The following NLGN1 variants were observed in gnomAD, a reference collection of about 807,000 sequenced individuals.
The protein encoded by NLGN1 is neuroligin 1, also known as neuroligin-1.
NLGN1 carries 12 observed loss-of-function variants against 65.5 expected under a neutral mutation model. The ratio of observed to expected loss-of-function variants is 0.18; its 90% confidence interval spans 0.12 to 0.30. NLGN1 has a LOEUF of 0.30. Ranked by LOEUF, NLGN1 falls within the 10% of genes least tolerant of loss-of-function variation. The probability of loss-of-function intolerance (pLI) is 1.00; values close to 1 mark genes in which losing one functional copy is unlikely to be tolerated. For synonymous variants in NLGN1, 350 were observed against 359.5 expected (o/e 0.97, Z 0.30); for missense variants, 750 against 1,007.1 (o/e 0.74, Z 3.46).
intron 4 of NLGN1, among the ~76,000 whole-genome samples, chr3:174,045,581 C>A (rs1298949605): frequency 6.6e-6 from 1 of 152,016 alleles, no homozygotes; most frequent in Admixed American, 6.6e-5. Context: ...AATCAGTGTG[C>A]CAATCATACA....
At chr3:173,977,648 GA>G (rs200182034) in intron 4 of NLGN1, among the ~76,000 whole-genome samples, 2 of 150,458 alleles carry the variant, frequency 1.3e-5, no homozygotes, top group South Asian at 4.2e-4. Flanking sequence ...TATTGACCTA[GA>G]AAAAAAAATG....
At chr3:174,197,219 C>T (rs537043788) in intron 4 of NLGN1, among the ~76,000 whole-genome samples, 102 of 152,076 alleles carry the variant, frequency 6.7e-4, no homozygotes, top group African/African-American at 2.5e-3. Flanking sequence ...TATATGTTGT[C>T]TTCTAAGGAG....
rs1180183105 is a variant in NLGN1, at chr3:173,558,979, T to G, written c.-320-45300T>G. On this transcript the variant is annotated intron_variant, in intron 2 of 6. Transcript: ENST00000457714. ...ATGTAGGAATCCTCGGTCAGAATTT[T>G]TTTGGTTGAATAGATCTGATATGGC... Among the ~76,000 whole-genome samples the G allele has an allele frequency of 2.0e-5, 3 of 152,292 alleles. No individual in the cohort carries two copies. The East Asian group carries it at 5.8e-4, about 29-fold the overall frequency.
intron 4 of NLGN1, among the ~76,000 whole-genome samples, chr3:174,233,577 A>C (rs1046538012): frequency 1.3e-5 from 2 of 152,096 alleles, no homozygotes; most frequent in Non-Finnish European, 2.9e-5. Context: ...TATATGTGTC[A>C]TACAATTTGT....
At chr3:173,914,237 A>G (rs983985697) in intron 4 of NLGN1, among the ~76,000 whole-genome samples, 4 of 152,146 alleles carry the variant, frequency 2.6e-5, no homozygotes, top group African/African-American at 9.7e-5. Context: ...ACATCCTTAA[A>G]GAAATCATTA....
At chr3:174,150,556 C>G (rs1169312549) in intron 4 of NLGN1, among the ~76,000 whole-genome samples, 1 of 152,082 alleles carries the variant, frequency 6.6e-6, no homozygotes, top group East Asian at 1.9e-4. Context: ...CCCTACCTTC[C>G]TAGAATTACA....
intron 3 of NLGN1, among the ~76,000 whole-genome samples, chr3:173,621,495 C>T (rs1753980465): frequency 6.6e-6 from 1 of 151,844 alleles, no homozygotes; most frequent in Non-Finnish European, 1.5e-5. Context: ...TTACTATCAA[C>T]AAGTATGCAT....
chr3:173,997,578 G>A (rs1371368860), intron 4 of NLGN1, among the ~76,000 whole-genome samples: 1 of 151,996 alleles, frequency 6.6e-6, no homozygotes, highest in East Asian at 1.9e-4. Context: ...GGTATTTACT[G>A]AGCTCTGACT....
At position 173,793,465 on chromosome 3, in the gene NLGN1, C is replaced by A. The variant is rs1279577341; in HGVS notation, c.494-14215C>A. Among the ~76,000 whole-genome samples, 4 of 152,004 alleles carry A rather than the reference C, an allele frequency of 2.6e-5. No homozygotes were observed. In the East Asian group the frequency reaches 5.8e-4, roughly 22 times the overall value. On this transcript the variant is annotated intron_variant, in intron 3 of 6. Coordinates refer to ENST00000457714, the Ensembl canonical transcript of NLGN1. ...CTTTGAAGGTGGAGATGATGGTCAT[C>A]CCTGTTGTACTGAGATGTTGGTGAG...
At chr3:173,840,048 G>C (rs1724490933) in intron 4 of NLGN1, among the ~76,000 whole-genome samples, 1 of 152,110 alleles carries the variant, frequency 6.6e-6, no homozygotes, top group Admixed American at 6.6e-5. Context: ...TTTACAAATC[G>C]CAACATCGAC....
intron 4 of NLGN1, among the ~76,000 whole-genome samples, chr3:173,922,509 A>G (rs1742242832): frequency 6.6e-6 from 1 of 152,112 alleles, no homozygotes; most frequent in South Asian, 2.1e-4. Context: ...ATTAAATATT[A>G]TGTTTCATAA....
In NLGN1 at chr3:173,900,933, A is replaced by G. The variant is rs536971861; in HGVS notation, c.646+93101A>G. Among the ~76,000 whole-genome samples, 79 of 152,162 alleles carry G rather than the reference A, an allele frequency of 5.2e-4. 1 individual carries two copies. Among genetic ancestry groups the G allele is most frequent in the Admixed American group, 1.2e-3 (19 of 15,258 alleles). ...ATGAAATGACGTTTTCAAGGTCACA[A>G]AAGTGATAACTAATATAGCCATGTT... On this transcript the variant is annotated intron_variant, in intron 4 of 6. Transcript: ENST00000457714.
intron 3 of NLGN1, among the ~76,000 whole-genome samples, chr3:173,765,491 G>A (rs565859594): frequency 2.2e-4 from 33 of 152,236 alleles, no homozygotes; most frequent in South Asian, 4.1e-4. Flanking sequence ...GGACTCCCTT[G>A]TCTTTCTGTT....
chr3:173,451,357 G>A (rs1363446540), intron 2 of NLGN1, among the ~76,000 whole-genome samples: 1 of 152,130 alleles, frequency 6.6e-6, no homozygotes, highest in Non-Finnish European at 1.5e-5. Context: ...TATCAGCAGC[G>A]GCGGCTGCAG....
At chr3:173,666,701 T>G (rs80278642) in intron 3 of NLGN1, among the ~76,000 whole-genome samples, 4,295 of 152,316 alleles carry the variant, frequency 0.028, 89 homozygotes, top group Middle Eastern at 0.044. Flanking sequence ...GTGAAAACTC[T>G]GCTCCAGTGA....
chr3:174,002,640 G>T lies in NLGN1; in HGVS notation c.646+194808G>T, dbSNP rs115666178. ...AATAGGTAGAACAATGTATGAAATT[G>T]ACCTTTAGTTTGTATCTCTTGGAAA... On this transcript the variant is annotated intron_variant, in intron 4 of 6. Coordinates refer to ENST00000457714, the Ensembl canonical transcript of NLGN1. Among the ~76,000 whole-genome samples the T allele has an allele frequency of 9.6e-3, 1,461 of 152,138 alleles. 22 individuals are homozygous for T. The highest frequency in any genetic ancestry group is 0.033 in the African/African-American group (1,374 of 41,482).
chr3:173,606,370 C>A (rs1028501411), intron 3 of NLGN1, among the ~76,000 whole-genome samples: 1 of 152,064 alleles, frequency 6.6e-6, no homozygotes, highest in African/African-American at 2.4e-5. Flanking sequence ...CCACACTCCA[C>A]TTTTATATAA....
intron 3 of NLGN1, among the ~76,000 whole-genome samples, chr3:173,653,466 T>G (rs1759524068): frequency 6.6e-6 from 1 of 152,206 alleles, no homozygotes; most frequent in Non-Finnish European, 1.5e-5. Context: ...TGAATTCTAT[T>G]AAATGCTTTT....
intron 2 of NLGN1, among the ~76,000 whole-genome samples, chr3:173,495,881 TA>T (rs1729945365): frequency 6.6e-6 from 1 of 151,806 alleles, no homozygotes; most frequent in Non-Finnish European, 1.5e-5. Flanking sequence ...AGAAGACATA[TA>T]TCTTCTTATG....
Sources: gnomAD v4.1 joint callset for allele counts (sites outside exome capture counted in the v4.1 genomes callset) on GRCh38, gnomAD v4.1.1 for gene constraint, MANE v1.5 for transcripts, NCBI Gene and HGNC (gene_info 2026-07-23, HGNC 2026-07-21) for gene names.